Variants in PCDHGC4 observed in about 807,000 individuals in gnomAD.
PCDHGC4 encodes protocadherin gamma-C4.
In PCDHGC4, 15 loss-of-function variants were observed where a neutral mutation model predicts 59.7. The observed-to-expected ratio is 0.25, with a 90% confidence interval of 0.17 to 0.39. PCDHGC4 has a LOEUF of 0.39. PCDHGC4 is among the 10% of genes least tolerant of loss of function. PCDHGC4 has a pLI of 1.00. For synonymous variants in PCDHGC4, 434 were observed against 481.4 expected (o/e 0.90, Z 1.29); for missense variants, 1,016 against 1,189.5 (o/e 0.85, Z 2.15).
In PCDHGC4 at chr5:141,486,709, C is replaced by G. The variant is rs1485764871; in HGVS notation, c.1536C>G (p.Pro512=). ...CTTCCTCTTTCATCTCTCTGAACCC[C>G]CAGACAGGAGCTGTTCATGCTACTC... ...VSASSFISLN[P]QTGAVHATRS... is the part of the protein sequence containing the mutation. The change falls in exon 1 of 4, where the codon CCC becomes CCG. Residue 512 remains proline, a synonymous_variant. Coordinates refer to ENST00000306593, the MANE Select transcript of PCDHGC4 (RefSeq NM_018928.3). The surrounding 1 kb of genome is among the most constrained non-coding windows in gnomAD (Gnocchi z 5.0). 1 of 1,614,182 alleles carries G rather than the reference C, an allele frequency of 6.2e-7. No individual in the cohort carries two copies. Among genetic ancestry groups the G allele is most frequent in the Middle Eastern group, 1.6e-4 (1 of 6,062 alleles).
At chr5:141,509,322 C>G (rs563556144) in intron 3 of PCDHGC4, among the ~76,000 whole-genome samples, 1 of 152,318 alleles carries the variant, frequency 6.6e-6, no homozygotes, top group East Asian at 1.9e-4. Flanking sequence ...GAGAGAAGCT[C>G]TACTGCCAGC....
rs544565104 is a variant in PCDHGC4, at chr5:141,489,014, G to A, written c.2442+1399G>A. 2.5e-5 allele frequency: 11 copies of A among 433,976 alleles called. No individual in the cohort carries two copies. The highest frequency in any genetic ancestry group is 1.6e-4 in the Admixed American group (4 of 25,754). The allele number at this position is 433,976 out of a possible 1,614,324, so 26.9% of individuals were successfully genotyped here. On this transcript the variant is annotated intron_variant, in intron 1 of 3. Coordinates refer to ENST00000306593, the MANE Select transcript of PCDHGC4 (RefSeq NM_018928.3). This position sits in a 1 kb window ranked among gnomAD's most constrained non-coding sequence, Gnocchi z 4.5. ...GGTGGGAGATCTGCTCTTCCAGCCC[G>A]CCTCTCCTCCTCCAGCTCCCCAGCT... is the stretch of plus-strand genomic sequence containing the variant.
intron 2 of PCDHGC4, among the ~76,000 whole-genome samples, chr5:141,501,966 C>A (rs1046026111): frequency 1.3e-5 from 2 of 152,118 alleles, no homozygotes; most frequent in African/African-American, 4.8e-5. Context: ...ATCCTCCTAA[C>A]CTCTGGCATC....
chr5:141,506,584 G>A (rs1413313164), intron 3 of PCDHGC4, among the ~76,000 whole-genome samples: 1 of 152,098 alleles, frequency 6.6e-6, no homozygotes, highest in African/African-American at 2.4e-5. Context: ...ACTATTAATG[G>A]GCACAGTATT....
At position 141,491,578 on chromosome 5, in the gene PCDHGC4, C is replaced by T. The variant is rs1438933474; in HGVS notation, c.2443-3229C>T. 7.4e-6 allele frequency: 12 copies of T among 1,613,888 alleles called. No homozygotes were observed. The highest frequency in any genetic ancestry group is 1.0e-5 in the Non-Finnish European group (12 of 1,180,044). On this transcript the variant is annotated intron_variant, in intron 1 of 3. Coordinates refer to ENST00000306593, the MANE Select transcript of PCDHGC4 (RefSeq NM_018928.3). This position sits in a 1 kb window ranked among gnomAD's most constrained non-coding sequence, Gnocchi z 6.9. ...CCACTGCTACAGGACGTGCTTTTCA[C>T]CGGCCTCGGACGGCAGTGACTTCAC...
chr5:141,485,920 T>G lies in PCDHGC4; in HGVS notation c.747T>G (p.Ile249Met). 4 of 1,614,038 alleles carry G rather than the reference T, an allele frequency of 2.5e-6. No individual in the cohort carries two copies. Among genetic ancestry groups the G allele is most frequent in the Non-Finnish European group, 3.4e-6 (4 of 1,180,010 alleles). ...APAFQQSSYR[I>M]SVLESAPAGM... ...CCTTCCAGCAATCCAGCTACAGGAT[T>G]AGTGTGTTGGAGAGCGCACCAGCGG... The change falls in exon 1 of 4, where the codon ATT becomes ATG. Residue 249 changes from isoleucine to methionine, a missense_variant. By Grantham distance (10) the Ile-to-Met change is conservative (BLOSUM62 1). Transcript: ENST00000306593. The surrounding 1 kb of genome is among the most constrained non-coding windows in gnomAD (Gnocchi z 5.7).
rs755163825 is a variant in PCDHGC4, at chr5:141,491,048, C to A, written c.2442+3433C>A. 6.2e-6 allele frequency: 10 copies of A among 1,613,948 alleles called. No individual in the cohort carries two copies. Among genetic ancestry groups the A allele is most frequent in the Non-Finnish European group, 7.6e-6 (9 of 1,179,960 alleles). ...GTGGATGCTGATGCAGGCCACAATG[C>A]GTGGCTCTCCTACTCACTGTTGCCA... On this transcript the variant is annotated intron_variant, in intron 1 of 3. Coordinates refer to ENST00000306593, the MANE Select transcript of PCDHGC4 (RefSeq NM_018928.3). The surrounding 1 kb of genome is among the most constrained non-coding windows in gnomAD (Gnocchi z 6.9).
intron 1 of PCDHGC4, among the ~76,000 whole-genome samples, chr5:141,488,115 G>A (rs936010936): frequency 1.4e-4 from 21 of 152,298 alleles, no homozygotes; most frequent in Middle Eastern, 3.4e-3. Flanking sequence ...TTGAAACATA[G>A]AGACAGCAGA....
At chr5:141,502,093 G>C (rs1037154464) in intron 2 of PCDHGC4, among the ~76,000 whole-genome samples, 27 of 152,112 alleles carry the variant, frequency 1.8e-4, no homozygotes, top group Admixed American at 1.7e-3. Flanking sequence ...AGAACACCTG[G>C]CCTTGACCCT....
rs1348297963 is a variant in PCDHGC4, at chr5:141,487,103, G to A, written c.1930G>A (p.Val644Ile). 6.2e-7 allele frequency: 1 copy of A among 1,614,124 alleles called. No individual in the cohort carries two copies. Among genetic ancestry groups the A allele is most frequent in the Non-Finnish European group, 8.5e-7 (1 of 1,180,000 alleles). The change falls in exon 1 of 4, where the codon GTC (valine) becomes ATC (isoleucine). Residue 644 changes from valine to isoleucine, a missense_variant. Coordinates refer to ENST00000306593, the MANE Select transcript of PCDHGC4 (RefSeq NM_018928.3). The surrounding 1 kb of genome is among the most constrained non-coding windows in gnomAD (Gnocchi z 5.0). Reference protein sequence around the residue: ...IPADLPPQKLVIVVKDSGSPP... With the variant: ...IPADLPPQKLIIVVKDSGSPP... ...AGCTGACCTCCCACCACAGAAGCTG[G>A]TCATTGTGGTAAAGGATAGTGGTAG...
Position 141,489,956 on chromosome 5 carries a change from C to CTCCAACCT in PCDHGC4, c.2442+2347_2442+2354dup, listed in dbSNP as rs1176419823. Reference sequence around the variant, plus strand: ...ATCGTGCTGGACATCAATGATAATGCTCCAACCTTCCAATCCTCAGTTCTA... The same window carrying CTCCAACCT: ...ATCGTGCTGGACATCAATGATAATGCTCCAACCTTCCAACCTTCCAATCCTCAGTTCTA... On this transcript the variant is annotated intron_variant, in intron 1 of 3. Coordinates refer to ENST00000306593, the MANE Select transcript of PCDHGC4 (RefSeq NM_018928.3). The surrounding 1 kb of genome is among the most constrained non-coding windows in gnomAD (Gnocchi z 4.5). 16 of 1,614,012 alleles carry CTCCAACCT rather than the reference C, an allele frequency of 9.9e-6. No individual in the cohort carries two copies. The highest frequency in any genetic ancestry group is 1.4e-5 in the Non-Finnish European group (16 of 1,179,974).
chr5:141,497,492 C>G (rs954582026), intron 2 of PCDHGC4, among the ~76,000 whole-genome samples: 1 of 151,628 alleles, frequency 6.6e-6, no homozygotes, highest in Non-Finnish European at 1.5e-5. Flanking sequence ...ACCTCTCTCT[C>G]TCTCCTCTCT....
Position 141,490,924 on chromosome 5 carries a change from C to A in PCDHGC4, c.2442+3309C>A. 1 of 1,613,680 alleles carries A rather than the reference C, an allele frequency of 6.2e-7. No individual in the cohort carries two copies. Among genetic ancestry groups the A allele is most frequent in the Non-Finnish European group, 8.5e-7 (1 of 1,179,694 alleles). On this transcript the variant is annotated intron_variant, in intron 1 of 3. Coordinates refer to ENST00000306593, the MANE Select transcript of PCDHGC4 (RefSeq NM_018928.3). The surrounding 1 kb of genome is among the most constrained non-coding windows in gnomAD (Gnocchi z 5.4). ...TGTCCTAGACGAGAATGATAATGCC[C>A]CAGCTGTGCTGCACCCACGGCCAGA...
rs1001555249 is a variant in PCDHGC4, at chr5:141,486,728, G to A, written c.1555G>A (p.Ala519Thr). The A allele has an allele frequency of 1.2e-6, 2 of 1,614,200 alleles. No homozygotes were observed. The highest frequency in any genetic ancestry group is 1.7e-6 in the Non-Finnish European group (2 of 1,180,052). The change falls in exon 1 of 4, where the codon GCT becomes ACT. Residue 519 changes from alanine to threonine, a missense_variant. Transcript: ENST00000306593. This position sits in a 1 kb window ranked among gnomAD's most constrained non-coding sequence, Gnocchi z 5.0. ...SLNPQTGAVHATRSFDYEQTQ... is the reference protein window; with the variant it reads ...SLNPQTGAVHTTRSFDYEQTQ... Reference sequence around the variant, plus strand: ...GAACCCCCAGACAGGAGCTGTTCATGCTACTCGATCCTTTGACTATGAGCA... The same window carrying A: ...GAACCCCCAGACAGGAGCTGTTCATACTACTCGATCCTTTGACTATGAGCA...
Position 141,485,606 on chromosome 5 carries a change from G to T in PCDHGC4, c.433G>T (p.Ala145Ser), listed in dbSNP as rs2099616630. Residue 145 changes from alanine (A) to serine (S), a missense_variant, in exon 1 of 4, where the codon GCA (alanine) becomes TCA (serine). By Grantham distance (99) the Ala-to-Ser change is moderately conservative (BLOSUM62 1). Transcript: ENST00000306593. The surrounding 1 kb of genome is among the most constrained non-coding windows in gnomAD (Gnocchi z 5.7). ...RQQLDLEIGE[A>S]APPGQRFPLE... is the part of the protein sequence containing the mutation. ...GCAGCTGGACTTGGAAATTGGGGAG[G>T]CAGCTCCTCCAGGACAGCGTTTCCC... is the stretch of plus-strand genomic sequence containing the variant. 1.2e-6 allele frequency: 2 copies of T among 1,612,362 alleles called. No homozygotes were observed. The highest frequency in any genetic ancestry group is 4.5e-5 in the East Asian group (2 of 44,840).
intron 2 of PCDHGC4, among the ~76,000 whole-genome samples, chr5:141,501,009 C>T (rs2099804715): frequency 2.0e-5 from 3 of 152,040 alleles, no homozygotes; most frequent in Non-Finnish European, 4.4e-5. Context: ...GCTGGGACTA[C>T]AGGCACGCGC....
intron 1 of PCDHGC4, among the ~76,000 whole-genome samples, chr5:141,492,632 C>T (rs1359761285): frequency 1.3e-5 from 2 of 152,256 alleles, no homozygotes; most frequent in Admixed American, 1.3e-4. Context: ...CAGGACTCTA[C>T]GATCCTTGGG....
intron 2 of PCDHGC4, among the ~76,000 whole-genome samples, chr5:141,503,072 C>T (rs2099817948): frequency 6.6e-6 from 1 of 151,728 alleles, no homozygotes; most frequent in Non-Finnish European, 1.5e-5. Flanking sequence ...TCAGAATGGT[C>T]TCGATCTCCT....
intron 2 of PCDHGC4, among the ~76,000 whole-genome samples, chr5:141,495,377 G>A (rs558501090): frequency 1.9e-4 from 29 of 152,330 alleles, no homozygotes; most frequent in Admixed American, 6.5e-4. Flanking sequence ...ACTGAGGAAG[G>A]ACTGGGCGGG....
Sources: gnomAD v4.1 joint callset for allele counts (sites outside exome capture counted in the v4.1 genomes callset) on GRCh38, gnomAD v4.1.1 for gene constraint, Gnocchi (gnomAD v3.1) non-coding constraint, MANE v1.5 for transcripts, NCBI Gene and HGNC (gene_info 2026-07-23, HGNC 2026-07-21) for gene names.